The following VTI1B variants were observed in gnomAD, a reference collection of about 807,000 sequenced individuals.
VTI1B encodes the protein vesicle transport through interaction with t-SNAREs 1B.
VTI1B carries 18 observed loss-of-function variants against 28.6 expected under a neutral mutation model. The ratio of observed to expected loss-of-function variants is 0.63; its 90% confidence interval spans 0.43 to 0.93. The LOEUF is 0.93. VTI1B is among the 40% of genes least tolerant of loss of function. The pLI is 0.00. For synonymous variants in VTI1B, 100 were observed against 107.9 expected, an observed-to-expected ratio of 0.93 and a Z score of 0.46; for missense variants, 283 against 297.0, an observed-to-expected ratio of 0.95 and a Z score of 0.35.
rs770414556 is a variant in VTI1B at position 67,648,127 on chromosome 14, T to C, written c.*3258A>G. The C allele has an allele frequency of 1.9e-6, 3 of 1,614,068 alleles. No homozygotes were observed. The highest frequency in any genetic ancestry group is 1.6e-4 in the Middle Eastern group (1 of 6,062). On this transcript the variant is annotated 3_prime_UTR_variant, in exon 6 of 6. Coordinates refer to ENST00000554659, the MANE Select transcript of VTI1B (RefSeq NM_006370.3). ...GCTCCAGCCACAGGAACTCCTGTTG[T>C]CGGGGGACTAACCTATCGAGAAGGC...
At chr14:67,670,031 G>A (rs1373545499) in intron 1 of VTI1B, among the ~76,000 whole-genome samples, 1 of 152,198 alleles carries the variant, frequency 6.6e-6, no homozygotes, top group Admixed American at 6.5e-5. Context: ...GGAAGCCAAG[G>A]CTGCAGTGAG....
intron 4 of VTI1B, among the ~76,000 whole-genome samples, chr14:67,655,015 C>CA (rs1369091081): frequency 9.9e-6 from 1 of 101,346 alleles, no homozygotes; most frequent in Admixed American, 1.6e-4. Flanking sequence ...GGCGACAGAG[C>CA]AAGACTCCAT....
chr14:67,655,603 A>G (rs1455854028), intron 4 of VTI1B, among the ~76,000 whole-genome samples: 2 of 152,112 alleles, frequency 1.3e-5, no homozygotes, highest in Non-Finnish European at 2.9e-5. Context: ...ATAAATCTAT[A>G]AACTGTGGTA....
In VTI1B at chr14:67,650,720, C is replaced by G. The variant is rs1319950798; in HGVS notation, c.*665G>C. The G allele has an allele frequency of 6.2e-7, 1 of 1,613,750 alleles. No individual in the cohort carries two copies. Among genetic ancestry groups the G allele is most frequent in the Non-Finnish European group, 8.5e-7 (1 of 1,179,982 alleles). On this transcript the variant is annotated 3_prime_UTR_variant, in exon 6 of 6. Coordinates refer to ENST00000554659, the MANE Select transcript of VTI1B (RefSeq NM_006370.3). ...GTCACACTTTGTTCTTCCAGGGTTG[C>G]TATCAGCACTGGATCTTGTTGAAGT...
At chr14:67,651,766 AAAG>A (rs1484946226) in intron 5 of VTI1B, 1 of 269,418 alleles carries the variant, frequency 3.7e-6, no homozygotes, top group East Asian at 9.7e-5. Flanking sequence ...GCTTTTCTAG[AAAG>A]AAGGGTTAGC....
rs2037113895 is a variant in VTI1B, at chr14:67,647,368, C to T, written c.*4017G>A. On this transcript the variant is annotated 3_prime_UTR_variant, in exon 6 of 6. Transcript: ENST00000554659. ...CATCTGAGTTTTATATTAAGCAAAT[C>T]TTGGCAGTGTAGAAAGATGGCAGAT... is the stretch of plus-strand genomic sequence containing the variant. 1 of 198,098 alleles carries T rather than the reference C, an allele frequency of 5.0e-6. No individual in the cohort carries two copies. Among genetic ancestry groups the T allele is most frequent in the South Asian group, 1.4e-4 (1 of 7,222 alleles). 12.3% of individuals were successfully genotyped at this position (198,098 alleles called of 1,614,324 possible). A position where few individuals can be genotyped will look rare whatever the true frequency, so the allele number is the denominator to read the frequency against.
intron 1 of VTI1B, among the ~76,000 whole-genome samples, chr14:67,671,614 A>G (rs1281215196): frequency 6.6e-6 from 1 of 152,218 alleles, no homozygotes; most frequent in Non-Finnish European, 1.5e-5. Context: ...GGCTGGGTAG[A>G]CAACAAAGGT....
rs2140042617 is a variant in VTI1B at position 67,674,530 on chromosome 14, G to A, written c.-41C>T. 5.2e-6 allele frequency: 8 copies of A among 1,526,156 alleles called. No homozygotes were observed. Among genetic ancestry groups the A allele is most frequent in the East Asian group, 2.4e-5 (1 of 41,812 alleles). The allele number at this position is 1,526,156 out of a possible 1,614,324, so 94.5% of individuals were successfully genotyped here. A position where few individuals can be genotyped will look rare whatever the true frequency, so the allele number is the denominator to read the frequency against. On this transcript the variant is annotated 5_prime_UTR_variant, in exon 1 of 6. Coordinates refer to ENST00000554659, the MANE Select transcript of VTI1B (RefSeq NM_006370.3). ...GGAGCAGCGGCCACCGAGATTCGGG[G>A]CCCTGGGCCCTTTCCTAGCCCGGCG...
chr14:67,662,646 C>A, intron 1 of VTI1B, 111 bp from the exon 2 acceptor site: 1 of 991,700 alleles, frequency 1.0e-6, no homozygotes, highest in Non-Finnish European at 1.5e-6. Context: ...TGGCTCATGC[C>A]TGTAATCCCA....
rs201178551 is a variant in VTI1B, at chr14:67,656,482, C to A, written c.474G>T (p.Gln158His). ...RSHRIATETD[Q>H]IGSEIIEELG... ...GCTCTTCTATGATTTCTGAGCCAATCTGGTCAGTCTCTGTGGCAATCCGAT... is the reference window on the plus strand; with the variant it reads ...GCTCTTCTATGATTTCTGAGCCAATATGGTCAGTCTCTGTGGCAATCCGAT... The change falls in exon 4 of 6, where the codon CAG becomes CAT. Residue 158 changes from glutamine to histidine, a missense_variant. Physicochemically the swap from Gln to His is conservative, Grantham distance 24. Transcript: ENST00000554659. 2.4e-5 allele frequency: 38 copies of A among 1,613,652 alleles called. No individual in the cohort carries two copies. Among genetic ancestry groups the A allele is most frequent in the Middle Eastern group, 1.6e-4 (1 of 6,082 alleles).
At chr14:67,673,883 A>T (rs529862657) in intron 1 of VTI1B, among the ~76,000 whole-genome samples, 1 of 152,278 alleles carries the variant, frequency 6.6e-6, no homozygotes, top group African/African-American at 2.4e-5. Flanking sequence ...TCTAAATGCC[A>T]CAATCAGGTT....
intron 1 of VTI1B, among the ~76,000 whole-genome samples, chr14:67,665,657 A>C (rs2037393645): frequency 6.6e-6 from 1 of 152,156 alleles, no homozygotes; most frequent in Non-Finnish European, 1.5e-5. Context: ...GAAACATGGA[A>C]ATTTATTTTG....
chr14:67,647,842 A>T lies in VTI1B; in HGVS notation c.*3543T>A. ...GGTATGCAGAACAAATGGCAGTATC[A>T]TGAAGTGGTATGTAGGAAGTTAATA... On this transcript the variant is annotated 3_prime_UTR_variant, in exon 6 of 6. Transcript: ENST00000554659. 1 of 581,108 alleles carries T rather than the reference A, an allele frequency of 1.7e-6. No individual in the cohort carries two copies. Among genetic ancestry groups the T allele is most frequent in the Non-Finnish European group, 3.0e-6 (1 of 329,558 alleles). The allele number at this position is 581,108 out of a possible 1,614,324, so 36.0% of individuals were successfully genotyped here.
intron 1 of VTI1B, among the ~76,000 whole-genome samples, chr14:67,671,511 G>A (rs1280467258): frequency 2.0e-5 from 3 of 151,974 alleles, no homozygotes; most frequent in African/African-American, 4.8e-5. Flanking sequence ...GGGCGACAGA[G>A]CAAGACTCTA....
chr14:67,666,621 C>T (rs1407777213), intron 1 of VTI1B, among the ~76,000 whole-genome samples: 1 of 152,184 alleles, frequency 6.6e-6, no homozygotes, highest in Admixed American at 6.5e-5. Flanking sequence ...TTTAAAAATT[C>T]TTTAGGCTCA....
At chr14:67,671,185 T>C in intron 1 of VTI1B, among the ~76,000 whole-genome samples, 1 of 152,332 alleles carries the variant, frequency 6.6e-6, no homozygotes, top group East Asian at 1.9e-4. Context: ...TATGTATATA[T>C]TTTCTTTACT....
chr14:67,661,299 A>AAT (rs2037330942), intron 2 of VTI1B, among the ~76,000 whole-genome samples: 3 of 129,916 alleles, frequency 2.3e-5, no homozygotes, highest in Admixed American at 8.1e-5. Flanking sequence ...AAAAAAAAAA[A>AAT]GTTTTTTTTT....
At chr14:67,657,615 C>T (rs920140034) in intron 3 of VTI1B, among the ~76,000 whole-genome samples, 12 of 151,206 alleles carry the variant, frequency 7.9e-5, no homozygotes, top group African/African-American at 2.9e-4. Context: ...CACACACACA[C>T]ACACACACCC....
At chr14:67,653,686 T>C (rs1300382419) in intron 4 of VTI1B, among the ~76,000 whole-genome samples, 188 bp from the exon 5 acceptor site, 1 of 152,212 alleles carries the variant, frequency 6.6e-6, no homozygotes, top group Admixed American at 6.5e-5. Context: ...TTAGTACTCA[T>C]CAAGTAGGCT....
Sources: gnomAD v4.1 joint callset for allele counts (sites outside exome capture counted in the v4.1 genomes callset) on GRCh38, gnomAD v4.1.1 for gene constraint, MANE v1.5 for transcripts, NCBI Gene and HGNC (gene_info 2026-07-23, HGNC 2026-07-21) for gene names.